The following NUBPL variants were observed in gnomAD, a reference collection of about 807,000 sequenced individuals.
NUBPL encodes the protein NUBP iron-sulfur cluster assembly factor, mitochondrial.
Under a neutral mutation model 45.7 loss-of-function variants are expected in NUBPL, and 31 were observed. The observed-to-expected ratio is 0.68, with a 90% CI of 0.51 to 0.92. The LOEUF (loss-of-function observed/expected upper bound fraction) is 0.92, where lower values mean the gene tolerates loss of function less well. NUBPL is among the 40% of genes least tolerant of loss of function. NUBPL has a pLI of 0.00. For missense variants in NUBPL, 401 were observed against 398.7 expected (o/e 1.01, Z -0.05); for synonymous variants, 144 against 140.9 (o/e 1.02, Z -0.15).
At chr14:31,768,292 A>C (rs10134536) in intron 6 of NUBPL, among the ~76,000 whole-genome samples, 5,549 of 152,318 alleles carry the variant, frequency 0.036, 133 homozygotes, top group African/African-American at 0.077. Context: ...TAAGGCTTTA[A>C]TAAACACTTT....
rs972125170 is a variant in NUBPL at position 31,737,626 on chromosome 14, C to CA, written c.514-50146dup. 4.6e-4 allele frequency among the ~76,000 whole-genome samples: 70 copies of CA among 151,760 alleles called. 1 individual carries two copies. The highest frequency in any genetic ancestry group is 1.5e-3 in the African/African-American group (64 of 41,416). On this transcript the variant is annotated intron_variant, in intron 6 of 10. Transcript: ENST00000281081. ...GGTAAAACCCCATCTATTAAAGATG[C>CA]AAAAAAAATTAGCCGGGCATGGTGG...
At chr14:31,798,093 C>G (rs887811976) in intron 7 of NUBPL, among the ~76,000 whole-genome samples, 2 of 149,172 alleles carry the variant, frequency 1.3e-5, no homozygotes, top group South Asian at 2.1e-4. Flanking sequence ...AGGGTTTCTG[C>G]CGAGAGATCC....
chr14:31,807,449 G>A (rs1214046136), intron 7 of NUBPL, among the ~76,000 whole-genome samples: 1 of 152,104 alleles, frequency 6.6e-6, no homozygotes, highest in East Asian at 1.9e-4. Flanking sequence ...CATATCCTTT[G>A]CCCACTTTTT....
chr14:31,572,791 A>G (rs2033622755), intron 3 of NUBPL, among the ~76,000 whole-genome samples: 2 of 152,178 alleles, frequency 1.3e-5, no homozygotes, highest in Admixed American at 6.5e-5. Flanking sequence ...ACTTAAACAA[A>G]GCTAGATAGT....
intron 7 of NUBPL, among the ~76,000 whole-genome samples, chr14:31,804,723 G>C (rs2039652241): frequency 6.6e-6 from 1 of 152,114 alleles, no homozygotes; most frequent in Non-Finnish European, 1.5e-5. Context: ...TGGGATAACT[G>C]GCTATCCATA....
At chr14:31,831,468 T>TGTACCATACC (rs1555342390) in intron 8 of NUBPL, among the ~76,000 whole-genome samples, 10 of 143,060 alleles carry the variant, frequency 7.0e-5, no homozygotes, top group Non-Finnish European at 6.0e-5. Context: ...TATACTGTAC[T>TGTACCATACC]ATACCATACC....
intron 6 of NUBPL, among the ~76,000 whole-genome samples, chr14:31,777,623 G>A (rs1010594276): frequency 5.9e-5 from 9 of 152,164 alleles, no homozygotes; most frequent in African/African-American, 2.2e-4. Flanking sequence ...CTTATACCAG[G>A]GTTAAGCCAG....
At chr14:31,722,179 T>G (rs1432915040) in intron 6 of NUBPL, among the ~76,000 whole-genome samples, 1 of 151,954 alleles carries the variant, frequency 6.6e-6, no homozygotes, top group African/African-American at 2.4e-5. Context: ...TTGGTTTTTG[T>G]TTTTTGTTTT....
chr14:31,733,617 T>C (rs1488206161), intron 6 of NUBPL, among the ~76,000 whole-genome samples: 1 of 152,198 alleles, frequency 6.6e-6, no homozygotes, highest in African/African-American at 2.4e-5. Flanking sequence ...AGAAACATAA[T>C]TGAGTTTAGT....
intron 6 of NUBPL, among the ~76,000 whole-genome samples, chr14:31,735,637 A>G (rs533878217): frequency 4.3e-4 from 65 of 151,944 alleles, no homozygotes; most frequent in African/African-American, 1.5e-3. Flanking sequence ...GCGAATCACA[A>G]GGCCAGGAGT....
At chr14:31,632,994 G>T (rs1005337173) in intron 4 of NUBPL, among the ~76,000 whole-genome samples, 1 of 152,168 alleles carries the variant, frequency 6.6e-6, no homozygotes, top group Non-Finnish European at 1.5e-5. Flanking sequence ...GTTTAATTCA[G>T]ACTTTCTGTA....
At chr14:31,717,148 C>T (rs2139939853) in intron 6 of NUBPL, among the ~76,000 whole-genome samples, 1 of 152,260 alleles carries the variant, frequency 6.6e-6, no homozygotes, top group East Asian at 1.9e-4. Context: ...TTTATCTAAT[C>T]AGGGCACATT....
chr14:31,810,884 T>A (rs2039790126), intron 7 of NUBPL, among the ~76,000 whole-genome samples: 1 of 152,314 alleles, frequency 6.6e-6, no homozygotes, highest in African/African-American at 2.4e-5. Context: ...TGAAGCTTAG[T>A]TTGGCTGGAT....
chr14:31,685,228 T>C (rs1166160770), intron 6 of NUBPL, among the ~76,000 whole-genome samples: 1 of 152,164 alleles, frequency 6.6e-6, no homozygotes, highest in Non-Finnish European at 1.5e-5. Context: ...TGGAGAGTTT[T>C]AAGAATGATA....
At chr14:31,572,439 T>A (rs2033612851) in intron 3 of NUBPL, among the ~76,000 whole-genome samples, 1 of 152,168 alleles carries the variant, frequency 6.6e-6, no homozygotes, top group Admixed American at 6.5e-5. Context: ...GTGCCTGGCC[T>A]AGCTAGATTC....
chr14:31,809,528 T>TA (rs958193204), intron 7 of NUBPL, among the ~76,000 whole-genome samples: 55 of 152,332 alleles, frequency 3.6e-4, no homozygotes, highest in African/African-American at 1.3e-3. Context: ...TTAGTCTTGC[T>TA]AGCAGTCTGT....
intron 3 of NUBPL, among the ~76,000 whole-genome samples, chr14:31,566,463 T>C (rs73269277): frequency 0.056 from 8,511 of 152,184 alleles, 674 homozygotes; most frequent in African/African-American, 0.18. Flanking sequence ...TTAAAAAATT[T>C]TTTTTCAACT....
rs555142966 is a variant in NUBPL, at chr14:31,735,642, A to G, written c.514-52138A>G. Among the ~76,000 whole-genome samples the G allele has an allele frequency of 3.9e-5, 6 of 151,924 alleles. No individual in the cohort carries two copies. The South Asian group carries it at 1.2e-3, about 32-fold the overall frequency. On this transcript the variant is annotated intron_variant, in intron 6 of 10. Transcript: ENST00000281081. ...GCTGAGGCGGGCGAATCACAAGGCCAGGAGTTCGAGACCAGCCTGGCCAAC... is the reference window on the plus strand; with the variant it reads ...GCTGAGGCGGGCGAATCACAAGGCCGGGAGTTCGAGACCAGCCTGGCCAAC...
chr14:31,810,270 C>T (rs963563776), intron 7 of NUBPL, among the ~76,000 whole-genome samples: 1 of 152,064 alleles, frequency 6.6e-6, no homozygotes, highest in African/African-American at 2.4e-5. Flanking sequence ...TTTTAGGTCT[C>T]TTGGGGCTTG....
Sources: allele counts gnomAD v4.1 joint callset (sites outside exome capture counted in the v4.1 genomes callset), GRCh38; gene constraint gnomAD v4.1.1; transcripts MANE v1.5; gene names NCBI Gene and HGNC (gene_info 2026-07-23, HGNC 2026-07-21).